The following FOXD2 variants were observed in gnomAD, a reference collection of about 807,000 sequenced individuals.
The protein encoded by FOXD2 is forkhead box protein D2.
In FOXD2, 4 loss-of-function variants were observed where a neutral mutation model predicts 6.4. The ratio of observed to expected loss-of-function variants is 0.62; its 90% CI spans 0.31 to 1.42. The LOEUF is 1.42. FOXD2 is among the 40% of genes most tolerant of loss of function. The probability of loss-of-function intolerance (pLI) is 0.08; values close to 1 mark genes in which losing one functional copy is unlikely to be tolerated. For synonymous variants in FOXD2, 393 were observed against 373.6 expected, an observed-to-expected ratio of 1.05 and a Z score of -0.60; for missense variants, 709 against 766.8, an observed-to-expected ratio of 0.92 and a Z score of 0.89.
Position 47,438,301 on chromosome 1 carries a change from C to A in FOXD2, c.166C>A (p.His56Asn). The change falls in exon 1 of 1, where the codon CAC becomes AAC. Residue 56 changes from histidine to asparagine, a missense_variant. This residue lies in a region of FOXD2 where 220 missense variants were observed against 199.2 expected (regional missense o/e 1.10). Coordinates refer to ENST00000334793, the MANE Select transcript of FOXD2 (RefSeq NM_004474.4). ...CCCCCGGGACGTGCTCCCCCACGGC[C>A]ACGAGCCTCCCGCGGAGGAAGCCGA... ...RAPRDVLPHG[H>N]EPPAEEAEAD... The A allele has an allele frequency of 1.5e-6, 2 of 1,311,488 alleles. No individual in the cohort carries two copies. The highest frequency in any genetic ancestry group is 3.1e-5 in the East Asian group (1 of 32,000). The allele number at this position is 1,311,488 out of a possible 1,614,324, so 81.2% of individuals were successfully genotyped here.
chr1:47,438,372 C>G lies in FOXD2; in HGVS notation c.237C>G (p.Asp79Glu), dbSNP rs1219397394. 2.4e-6 allele frequency: 3 copies of G among 1,227,898 alleles called. No individual in the cohort carries two copies. Among genetic ancestry groups the G allele is most frequent in the Non-Finnish European group, 3.0e-6 (3 of 984,688 alleles). 76.1% of individuals were successfully genotyped at this position (1,227,898 alleles called of 1,614,324 possible). The stretch of plus-strand genomic sequence containing the variant: ...AGGAGGAGTCTGGTGGCTGCTCGGA[C>G]GGCGAGCCCCGCGCTCTGGCGTCCC... Reference protein sequence around the residue: ...EDEEESGGCSDGEPRALASRG... With the variant: ...EDEEESGGCSEGEPRALASRG... The change falls in exon 1 of 1, where the codon GAC (aspartate) becomes GAG (glutamate). Residue 79 changes from aspartate to glutamate, a missense_variant. This residue lies in a region of FOXD2 where 220 missense variants were observed against 199.2 expected (regional missense o/e 1.10). Coordinates refer to ENST00000334793, the MANE Select transcript of FOXD2 (RefSeq NM_004474.4).
Position 47,439,086 on chromosome 1 carries a change from G to T in FOXD2, c.951G>T (p.Ala317=), listed in dbSNP as rs373212482. 3.5e-6 allele frequency: 5 copies of T among 1,447,642 alleles called. No homozygotes were observed. In the African/African-American group the frequency reaches 5.9e-5, roughly 17 times the overall value. 89.7% of individuals were successfully genotyped at this position (1,447,642 alleles called of 1,614,324 possible). The change falls in exon 1 of 1, where the codon GCG becomes GCT. Residue 317 remains alanine (A), a synonymous_variant. Transcript: ENST00000334793. ...CGGTACCCCCAGGCCGCGCCGCCGC[G>T]CCTCCACCCGGACCTCCGACGGCCT... ...QLSVPPGRAA[A]PPPGPPTASV... is the part of the protein sequence containing the mutation.
rs1557456274 is a variant in FOXD2 at position 47,438,948 on chromosome 1, G to GCTGGCTCTCCCGGCCTACGGC, written c.814_834dup (p.Leu272_Gly278dup). 1 of 1,517,844 alleles carries GCTGGCTCTCCCGGCCTACGGC rather than the reference G, an allele frequency of 6.6e-7. No individual in the cohort carries two copies. Among genetic ancestry groups the GCTGGCTCTCCCGGCCTACGGC allele is most frequent in the Admixed American group, 2.1e-5 (1 of 47,768 alleles). 94.0% of individuals were successfully genotyped at this position (1,517,844 alleles called of 1,614,324 possible). On this transcript the variant is annotated inframe_insertion, in exon 1 of 1. Coordinates refer to ENST00000334793, the MANE Select transcript of FOXD2 (RefSeq NM_004474.4). ...ACGGCGCCTACGGCTACGGCTACGGGCTGGCTCTCCCGGCCTACGGCGCAC... is the reference window on the plus strand; with the variant it reads ...ACGGCGCCTACGGCTACGGCTACGGGCTGGCTCTCCCGGCCTACGGCCTGGCTCTCCCGGCCTACGGCGCAC...
rs1646993222 is a variant in FOXD2 at position 47,439,158 on chromosome 1, A to AGGCTCG, written c.1027_1032dup (p.Ser343_Gly344dup). The AGGCTCG allele has an allele frequency of 4.8e-6, 7 of 1,449,780 alleles. No individual in the cohort carries two copies. The highest frequency in any genetic ancestry group is 6.3e-6 in the Non-Finnish European group (7 of 1,108,356). The allele number at this position is 1,449,780 out of a possible 1,614,324, so 89.8% of individuals were successfully genotyped here. The stretch of plus-strand genomic sequence containing the variant: ...CGGCCCCAGCTCCTGCGCCTGCCTC[A>AGGCTCG]GGCTCGGGCCCGGGCCCGGGCCCCG... On this transcript the variant is annotated inframe_insertion, in exon 1 of 1. Transcript: ENST00000334793.
rs142732039 is a variant in FOXD2, at chr1:47,438,528, G to C, written c.393G>C (p.Ser131=). 2.5e-6 allele frequency: 4 copies of C among 1,611,558 alleles called. No individual in the cohort carries two copies. The African/African-American group carries it at 5.4e-5, about 22-fold the overall frequency. The change falls in exon 1 of 1, where the codon TCG becomes TCC. Residue 131 remains serine (S), a synonymous_variant. Coordinates refer to ENST00000334793, the MANE Select transcript of FOXD2 (RefSeq NM_004474.4). ...TRSPLVKPPY[S]YIALITMAIL... ...GCCCGCTGGTGAAGCCGCCCTACTC[G>C]TACATCGCGCTCATCACCATGGCCA... is the stretch of plus-strand genomic sequence containing the variant.
In FOXD2 at chr1:47,438,540, C is replaced by T. The variant is rs1377188769; in HGVS notation, c.405C>T (p.Leu135=). Residue 135 remains leucine (L), a synonymous_variant, in exon 1 of 1, where the codon CTC becomes CTT. Coordinates refer to ENST00000334793, the MANE Select transcript of FOXD2 (RefSeq NM_004474.4). ...AGCCGCCCTACTCGTACATCGCGCT[C>T]ATCACCATGGCCATCCTGCAGAGCC... The part of the protein sequence containing the change: ...LVKPPYSYIA[L]ITMAILQSPK... 6.2e-7 allele frequency: 1 copy of T among 1,612,824 alleles called. No homozygotes were observed. The highest frequency in any genetic ancestry group is 2.2e-5 in the East Asian group (1 of 44,772).
rs1481565175 is a variant in FOXD2 at position 47,438,440 on chromosome 1, C to T, written c.305C>T (p.Ala102Val). The T allele has an allele frequency of 1.9e-6, 2 of 1,044,790 alleles. No homozygotes were observed. Among genetic ancestry groups the T allele is most frequent in the African/African-American group, 3.4e-5 (2 of 57,984 alleles). 64.7% of individuals were successfully genotyped at this position (1,044,790 alleles called of 1,614,324 possible). Residue 102 changes from alanine (A) to valine (V), a missense_variant, in exon 1 of 1, where the codon GCG becomes GTG. Physicochemically the swap from Ala to Val is moderately conservative, Grantham distance 64. Coordinates refer to ENST00000334793, the MANE Select transcript of FOXD2 (RefSeq NM_004474.4). ...GCGGGGAGCCCGGGGCCAGGCGCCG[C>T]GGCGGCCCGCGGCGCAGCGGGGCCC... ...AAAGSPGPGA[A>V]AARGAAGPGP... is the part of the protein sequence containing the mutation.
rs1646997677 is a variant in FOXD2 at position 47,439,692 on chromosome 1, C to G, written c.*69C>G. Reference sequence around the variant, plus strand: ...CTCCCGGGAGTTCCTGCGGTCCCAGCGGAACTCAGGGAGTCTATTTATGAA... The same window carrying G: ...CTCCCGGGAGTTCCTGCGGTCCCAGGGGAACTCAGGGAGTCTATTTATGAA... On this transcript the variant is annotated 3_prime_UTR_variant, in exon 1 of 1. Transcript: ENST00000334793. The G allele has an allele frequency of 2.1e-6, 3 of 1,415,390 alleles. No individual in the cohort carries two copies. The East Asian group carries it at 7.7e-5, about 36-fold the overall frequency. 87.7% of individuals were successfully genotyped at this position (1,415,390 alleles called of 1,614,324 possible).
chr1:47,440,214 G>A lies in FOXD2; in HGVS notation c.*591G>A, dbSNP rs1183341131. On this transcript the variant is annotated 3_prime_UTR_variant, in exon 1 of 1. Transcript: ENST00000334793. ...CGGAGCTGAACGGAGAGGTGAAGCA[G>A]GGGGTCTTTATATTCCCTGCAGAAA... The A allele has an allele frequency of 6.0e-6, 1 of 166,262 alleles. No homozygotes were observed. Among genetic ancestry groups the A allele is most frequent in the African/African-American group, 2.4e-5 (1 of 41,144 alleles). The allele number at this position is 166,262 out of a possible 1,614,324, so 10.3% of individuals were successfully genotyped here.
Position 47,439,125 on chromosome 1 carries a change from C to T in FOXD2, c.990C>T (p.Gly330=). The part of the protein sequence containing the change: ...PGPPTASVFA[G]AGSAPAPAPA... ...CTCCGACGGCCTCGGTGTTCGCAGG[C>T]GCGGGATCGGCCCCAGCTCCTGCGC... The change falls in exon 1 of 1, where the codon GGC becomes GGT. Residue 330 remains glycine (G), a synonymous_variant. Coordinates refer to ENST00000334793, the MANE Select transcript of FOXD2 (RefSeq NM_004474.4). The T allele has an allele frequency of 6.8e-7, 1 of 1,459,888 alleles. No individual in the cohort carries two copies. The highest frequency in any genetic ancestry group is 2.5e-5 in the Admixed American group (1 of 40,388). 90.4% of individuals were successfully genotyped at this position (1,459,888 alleles called of 1,614,324 possible).
rs1213181922 is a variant in FOXD2, at chr1:47,438,873, G to A, written c.738G>A (p.Gly246=). 6.3e-7 allele frequency: 1 copy of A among 1,582,500 alleles called. No homozygotes were observed. The change falls in exon 1 of 1, where the codon GGG becomes GGA. Residue 246 remains glycine (G), a synonymous_variant. Coordinates refer to ENST00000334793, the MANE Select transcript of FOXD2 (RefSeq NM_004474.4). ...HPHPELLLRG[G]AAAAGDPGAF... Reference sequence around the variant, plus strand: ...ACCCGGAGCTGCTGCTGCGTGGCGGGGCCGCGGCGGCGGGGGATCCCGGCG... The same window carrying A: ...ACCCGGAGCTGCTGCTGCGTGGCGGAGCCGCGGCGGCGGGGGATCCCGGCG...
rs1449812309 is a variant in FOXD2 at position 47,439,919 on chromosome 1, C to A, written c.*296C>A. On this transcript the variant is annotated 3_prime_UTR_variant, in exon 1 of 1. Coordinates refer to ENST00000334793, the MANE Select transcript of FOXD2 (RefSeq NM_004474.4). ...GGCTTCGTTTTTTTCCCTGCCTCTG[C>A]GCCTCTCGGGGAACACATTCCGGGA... 4.8e-5 allele frequency: 19 copies of A among 393,584 alleles called. No homozygotes were observed. Among genetic ancestry groups the A allele is most frequent in the Non-Finnish European group, 8.0e-5 (17 of 211,504 alleles). The allele number at this position is 393,584 out of a possible 1,614,324, so 24.4% of individuals were successfully genotyped here. A position where few individuals can be genotyped will look rare whatever the true frequency, so the allele number is the denominator to read the frequency against.
chr1:47,439,148 C>G lies in FOXD2; in HGVS notation c.1013C>G (p.Ala338Gly), dbSNP rs1411679430. 3 of 1,457,970 alleles carry G rather than the reference C, an allele frequency of 2.1e-6. No individual in the cohort carries two copies. In the African/African-American group the frequency reaches 4.4e-5, roughly 21 times the overall value. The allele number at this position is 1,457,970 out of a possible 1,614,324, so 90.3% of individuals were successfully genotyped here. Residue 338 changes from alanine to glycine, a missense_variant, in exon 1 of 1, where the codon GCG (alanine) becomes GGG (glycine). This residue lies in a region of FOXD2 where 322 missense variants were observed against 313.8 expected (regional missense o/e 1.03). Transcript: ENST00000334793. ...FAGAGSAPAP[A>G]PASGSGPGPG... The stretch of plus-strand genomic sequence containing the variant: ...GGCGCGGGATCGGCCCCAGCTCCTG[C>G]GCCTGCCTCAGGCTCGGGCCCGGGC...
chr1:47,439,301 A>C lies in FOXD2; in HGVS notation c.1166A>C (p.Gln389Pro), dbSNP rs1646994719. Residue 389 changes from glutamine to proline, a missense_variant, in exon 1 of 1, where the codon CAG (glutamine) becomes CCG (proline). Gln to Pro is a moderately conservative substitution (Grantham distance 76, BLOSUM62 -1). Coordinates refer to ENST00000334793, the MANE Select transcript of FOXD2 (RefSeq NM_004474.4). Reference sequence around the variant, plus strand: ...GGTCTGCCCACCGCACTTCTGCGCCAGGGCCTCAAGACGGACGCGGGCGGT... The same window carrying C: ...GGTCTGCCCACCGCACTTCTGCGCCCGGGCCTCAAGACGGACGCGGGCGGT... ...AAGLPTALLRQGLKTDAGGGA... is the reference protein window; with the variant it reads ...AAGLPTALLRPGLKTDAGGGA... 1.6e-5 allele frequency: 24 copies of C among 1,489,398 alleles called. No homozygotes were observed. Among genetic ancestry groups the C allele is most frequent in the Non-Finnish European group, 2.0e-5 (23 of 1,132,726 alleles). The allele number at this position is 1,489,398 out of a possible 1,614,324, so 92.3% of individuals were successfully genotyped here. A position where few individuals can be genotyped will look rare whatever the true frequency, so the allele number is the denominator to read the frequency against.
rs1432460870 is a variant in FOXD2 at position 47,438,603 on chromosome 1, C to T, written c.468C>T (p.Phe156=). ...TGACGTTGAGCGAGATCTGCGAGTT[C>T]ATCAGCGGCCGCTTCCCCTACTACC... ...KRLTLSEICE[F]ISGRFPYYRE... The change falls in exon 1 of 1, where the codon TTC becomes TTT. Residue 156 remains phenylalanine, a synonymous_variant. Transcript: ENST00000334793. 6.2e-7 allele frequency: 1 copy of T among 1,613,984 alleles called. No individual in the cohort carries two copies. Among genetic ancestry groups the T allele is most frequent in the Non-Finnish European group, 8.5e-7 (1 of 1,179,976 alleles).
chr1:47,438,216 A>G lies in FOXD2; in HGVS notation c.81A>G (p.Ile27Met). 1 of 1,432,240 alleles carries G rather than the reference A, an allele frequency of 7.0e-7. No individual in the cohort carries two copies. The highest frequency in any genetic ancestry group is 9.1e-7 in the Non-Finnish European group (1 of 1,098,486). 88.7% of individuals were successfully genotyped at this position (1,432,240 alleles called of 1,614,324 possible). Reference protein sequence around the residue: ...PAALSEADADIDVVGGGSGGG... With the variant: ...PAALSEADADMDVVGGGSGGG... ...CGCTGTCCGAGGCCGACGCAGACAT[A>G]GACGTGGTGGGCGGCGGCAGCGGCG... Residue 27 changes from isoleucine (I) to methionine (M), a missense_variant, in exon 1 of 1, where the codon ATA becomes ATG. Ile to Met is a conservative substitution (Grantham distance 10, BLOSUM62 1). Coordinates refer to ENST00000334793, the MANE Select transcript of FOXD2 (RefSeq NM_004474.4).
chr1:47,438,416 CG>C lies in FOXD2; in HGVS notation c.285del (p.Ser96AlafsTer31). The C allele has an allele frequency of 8.6e-7, 1 of 1,163,194 alleles. No individual in the cohort carries two copies. The allele number at this position is 1,163,194 out of a possible 1,614,324, so 72.1% of individuals were successfully genotyped here. On this transcript the variant is annotated frameshift_variant, in exon 1 of 1. Coordinates refer to ENST00000334793, the MANE Select transcript of FOXD2 (RefSeq NM_004474.4). LOFTEE classifies it low-confidence loss of function (END_TRUNC). ...ALASRGAAAA[A>X]GSPGPGAAAA... ...GCGTCCCGGGGGGCGGCGGCCGCAGCGGGGAGCCCGGGGCCAGGCGCCGCGG... is the reference window on the plus strand; with the variant it reads ...GCGTCCCGGGGGGCGGCGGCCGCAGCGGGAGCCCGGGGCCAGGCGCCGCGG...
Position 47,439,002 on chromosome 1 carries a change from C to CCCGCAT in FOXD2, c.872_873insTCCGCA (p.Pro292_His293dup). The CCCGCAT allele has an allele frequency of 2.8e-6, 4 of 1,430,342 alleles. No homozygotes were observed. The highest frequency in any genetic ancestry group is 3.7e-6 in the Non-Finnish European group (4 of 1,095,816). 88.6% of individuals were successfully genotyped at this position (1,430,342 alleles called of 1,614,324 possible). ...CGCCGGGGCCGGCCCCGCATCCGCA[C>CCCGCAT]CCGCACCCGCACGCCTTCGCTTTCG... On this transcript the variant is annotated inframe_insertion, in exon 1 of 1. Coordinates refer to ENST00000334793, the MANE Select transcript of FOXD2 (RefSeq NM_004474.4).
At position 47,439,743 on chromosome 1, in the gene FOXD2, G is replaced by A. The variant is rs1347792398; in HGVS notation, c.*120G>A. 26 of 878,664 alleles carry A rather than the reference G, an allele frequency of 3.0e-5. No homozygotes were observed. Among genetic ancestry groups the A allele is most frequent in the Non-Finnish European group, 4.5e-5 (26 of 578,828 alleles). The allele number at this position is 878,664 out of a possible 1,614,324, so 54.4% of individuals were successfully genotyped here. A position where few individuals can be genotyped will look rare whatever the true frequency, so the allele number is the denominator to read the frequency against. On this transcript the variant is annotated 3_prime_UTR_variant, in exon 1 of 1. Transcript: ENST00000334793. ...GTCTCCAGACCTTGGGCCGGCACGC[G>A]TGACACGGCACTTCAGGCTCCACGC...
Sources: gnomAD v4.1 joint callset for allele counts on GRCh38, gnomAD v4.1.1 for gene constraint, gnomAD v4.1.1 regional missense constraint, MANE v1.5 for transcripts, NCBI Gene and HGNC (gene_info 2026-07-23, HGNC 2026-07-21) for gene names.